VPS13B: variants seen among roughly 807,000 people sequenced by gnomAD.
The protein encoded by VPS13B is vacuolar protein sorting 13 homolog B.
In VPS13B, 285 loss-of-function variants were observed where a neutral mutation model predicts 426.4. The observed-to-expected ratio is 0.67, with a 90% confidence interval of 0.61 to 0.74. VPS13B has a LOEUF of 0.74. Ranked by LOEUF, VPS13B falls within the 30% of genes least tolerant of loss-of-function variation. VPS13B has a pLI of 0.00. For missense variants in VPS13B, 4,537 were observed against 4,782.6 expected (o/e 0.95, Z 1.51); for synonymous variants, 1,676 against 1,676.4 (o/e 1.00, Z 0.01).
chr8:99,252,954 C>G (rs1327497880), intron 17 of VPS13B, among the ~76,000 whole-genome samples: 1 of 151,984 alleles, frequency 6.6e-6, no homozygotes, highest in Admixed American at 6.6e-5. Context: ...TTTTATCTCC[C>G]CAGAAGAAAC....
chr8:99,696,809 G>T (rs907047188), intron 35 of VPS13B: 111 of 1,401,324 alleles, frequency 7.9e-5, no homozygotes, highest in Middle Eastern at 2.4e-4. Flanking sequence ...GCTGACCCTG[G>T]ACAACCTGTC....
chr8:99,568,482 G>A (rs1013410139), intron 31 of VPS13B, among the ~76,000 whole-genome samples: 3 of 151,280 alleles, frequency 2.0e-5, no homozygotes, highest in African/African-American at 7.3e-5. Context: ...GTAGAGATGG[G>A]GTTTTACCAT....
chr8:99,390,644 A>T (rs1377939645), intron 20 of VPS13B, among the ~76,000 whole-genome samples: 1 of 152,010 alleles, frequency 6.6e-6, no homozygotes, highest in Non-Finnish European at 1.5e-5. Context: ...CTGCAGCCTG[A>T]CCAACCGCCA....
intron 33 of VPS13B, among the ~76,000 whole-genome samples, chr8:99,597,849 C>T (rs1287205862): frequency 6.6e-6 from 1 of 151,976 alleles, no homozygotes; most frequent in Non-Finnish European, 1.5e-5. Flanking sequence ...TTACAGTATT[C>T]TAAGTCTGAG....
At chr8:99,834,769 A>C (rs1452640424) in intron 52 of VPS13B, among the ~76,000 whole-genome samples, 1 of 152,158 alleles carries the variant, frequency 6.6e-6, no homozygotes, top group Non-Finnish European at 1.5e-5. Context: ...CCTTTTGCTG[A>C]GGCTGGGCTT....
chr8:99,761,561 T>G (rs1158530357), intron 39 of VPS13B, among the ~76,000 whole-genome samples: 1 of 152,222 alleles, frequency 6.6e-6, no homozygotes, highest in African/African-American at 2.4e-5. Context: ...CCTTCCAATG[T>G]GCCAGCTAAT....
At chr8:99,831,871 T>C (rs1347553488) in intron 51 of VPS13B, among the ~76,000 whole-genome samples, 1 of 152,204 alleles carries the variant, frequency 6.6e-6, no homozygotes, top group African/African-American at 2.4e-5. Flanking sequence ...ATTATTTCAT[T>C]AGGACATTCT....
At chr8:99,439,857 G>C (rs926410079) in intron 22 of VPS13B, among the ~76,000 whole-genome samples, 9 of 152,044 alleles carry the variant, frequency 5.9e-5, no homozygotes, top group African/African-American at 2.2e-4. Flanking sequence ...AAAAATCTAA[G>C]TTTCTCAAAC....
chr8:99,102,883 T>C, intron 4 of VPS13B, 70 bp from the exon 5 acceptor site: 8 of 1,400,398 alleles, frequency 5.7e-6, no homozygotes, highest in Non-Finnish European at 8.1e-6. Context: ...TTAAGTTCAA[T>C]AACACTTTAA....
intron 21 of VPS13B, among the ~76,000 whole-genome samples, chr8:99,423,533 G>T (rs1445524879): frequency 2.6e-5 from 4 of 151,568 alleles, no homozygotes; most frequent in African/African-American, 9.7e-5. Context: ...CTCCCAAAGT[G>T]CTGGGATTAT....
intron 16 of VPS13B, among the ~76,000 whole-genome samples, chr8:99,181,759 A>G (rs1812958734): frequency 1.3e-5 from 2 of 152,180 alleles, no homozygotes; most frequent in African/African-American, 2.4e-5. Context: ...GACATGCCAA[A>G]AAGGAAAAGT....
In VPS13B at chr8:99,615,143, T is replaced by G. The variant is rs144074244; in HGVS notation, c.5221-26668T>G. On this transcript the variant is annotated intron_variant, in intron 33 of 61. Transcript: ENST00000357162. ...AAAAAAAAAAAAAAAAAAAAAAAAT[T>G]TACTTGCCAAAATAAGTACCAGGAA... Among the ~76,000 whole-genome samples the G allele has an allele frequency of 7.5e-4, 114 of 151,556 alleles. 1 individual carries two copies. The highest frequency in any genetic ancestry group is 2.4e-3 in the African/African-American group (100 of 41,304).
intron 24 of VPS13B, among the ~76,000 whole-genome samples, chr8:99,473,008 GA>G (rs900975544): frequency 1.3e-5 from 2 of 151,954 alleles, no homozygotes; most frequent in African/African-American, 2.4e-5. Context: ...TAAGAAAATT[GA>G]ATGTGATGTC....
intron 40 of VPS13B, among the ~76,000 whole-genome samples, chr8:99,775,688 A>G (rs1811707314): frequency 6.6e-6 from 1 of 152,182 alleles, no homozygotes; most frequent in South Asian, 2.1e-4. Context: ...ACTTGGGGTC[A>G]GGAGTTCAAG....
chr8:99,824,697 G>A (rs1038438162), intron 51 of VPS13B, among the ~76,000 whole-genome samples: 2 of 151,152 alleles, frequency 1.3e-5, no homozygotes, highest in African/African-American at 2.4e-5. Context: ...CCATCAACCC[G>A]TCATCTACAT....
intron 55 of VPS13B, among the ~76,000 whole-genome samples, chr8:99,851,274 T>C (rs921076598): frequency 6.6e-6 from 1 of 152,222 alleles, no homozygotes; most frequent in South Asian, 2.1e-4. Flanking sequence ...CAAGGGCTTA[T>C]TGGATGCCTA....
intron 19 of VPS13B, among the ~76,000 whole-genome samples, chr8:99,320,821 C>T (rs572826246): frequency 1.3e-5 from 2 of 152,294 alleles, no homozygotes; most frequent in South Asian, 4.1e-4. Context: ...TGTGAACAAG[C>T]TAAAATTTTC....
At chr8:99,218,734 G>A (rs571470607) in intron 17 of VPS13B, among the ~76,000 whole-genome samples, 2 of 152,180 alleles carry the variant, frequency 1.3e-5, no homozygotes, top group Non-Finnish European at 2.9e-5. Context: ...TGAATGGGAG[G>A]TGGGTGGGAA....
intron 23 of VPS13B, among the ~76,000 whole-genome samples, chr8:99,462,517 A>G (rs984484781): frequency 2.0e-5 from 3 of 151,938 alleles, no homozygotes; most frequent in African/African-American, 7.3e-5. Flanking sequence ...TATTCTTCCT[A>G]TGTACAGCTT....
Sources: allele counts gnomAD v4.1 joint callset (sites outside exome capture counted in the v4.1 genomes callset), GRCh38; gene constraint gnomAD v4.1.1; transcripts MANE v1.5; gene names NCBI Gene and HGNC (gene_info 2026-07-23, HGNC 2026-07-21).